SRP72: variants seen among roughly 807,000 people sequenced by gnomAD.
SRP72 encodes the protein signal recognition particle 72, also known as signal recognition particle subunit SRP72.
Under a neutral mutation model 96.3 loss-of-function variants are expected in SRP72, and 49 were observed. The ratio of observed to expected loss-of-function variants is 0.51; its 90% CI spans 0.40 to 0.65. The LOEUF (loss-of-function observed/expected upper bound fraction) is 0.65, where lower values mean the gene tolerates loss of function less well. Ranked by LOEUF, SRP72 falls within the 30% of genes least tolerant of loss-of-function variation. SRP72 has a pLI of 0.00. For synonymous variants in SRP72, 267 were observed against 275.2 expected (o/e 0.97, Z 0.30); for missense variants, 736 against 793.3 (o/e 0.93, Z 0.87).
intron 8 of SRP72, among the ~76,000 whole-genome samples, chr4:56,479,373 G>T (rs1012625009): frequency 6.6e-6 from 1 of 151,830 alleles, no homozygotes; most frequent in Non-Finnish European, 1.5e-5. Context: ...TAGAGACGGG[G>T]TTTCACCATG....
rs774173992 is a variant in SRP72 at position 56,478,535 on chromosome 4, G to T, written c.767+32G>T. 1.9e-6 allele frequency: 3 copies of T among 1,612,640 alleles called. No individual in the cohort carries two copies. The South Asian group carries it at 3.3e-5, about 18-fold the overall frequency. ...TATTAAAAGGAAGTGTCTTTTATAGGGGATGGGGTTCTTTTTAAAGGTTTG... is the reference window on the plus strand; with the variant it reads ...TATTAAAAGGAAGTGTCTTTTATAGTGGATGGGGTTCTTTTTAAAGGTTTG... On this transcript the variant is annotated intron_variant, in intron 7 of 18. Coordinates refer to ENST00000642900, the MANE Select transcript of SRP72 (RefSeq NM_006947.4).
At chr4:56,478,695 C>T (rs1309031280) in intron 8 of SRP72, 46 bp downstream of exon 8, 1 of 1,566,280 alleles carries the variant, frequency 6.4e-7, no homozygotes, top group South Asian at 1.2e-5. Context: ...ACCCTGAAAG[C>T]TCATCACCCT....
At chr4:56,500,800 A>G in intron 18 of SRP72, 105 bp downstream of exon 18, 1 of 1,142,166 alleles carries the variant, frequency 8.8e-7, no homozygotes, top group African/African-American at 1.6e-5. Context: ...GAGAAATGTG[A>G]TGTATCTTTG....
Position 56,474,129 on chromosome 4 carries a change from G to T in SRP72, c.430G>T (p.Asp144Tyr). ...CGTCCGAAACTCCCAAGATGATTAT[G>T]ATGAGGAGAGGAAAACAAACCTTTC... is the stretch of plus-strand genomic sequence containing the variant. ...DLVRNSQDDY[D>Y]EERKTNLSAV... Residue 144 changes from aspartate to tyrosine, a missense_variant, in exon 4 of 19, where the codon GAT (aspartate) becomes TAT (tyrosine). Coordinates refer to ENST00000642900, the MANE Select transcript of SRP72 (RefSeq NM_006947.4). 6.2e-7 allele frequency: 1 copy of T among 1,614,210 alleles called. No individual in the cohort carries two copies. The highest frequency in any genetic ancestry group is 1.1e-5 in the South Asian group (1 of 91,084).
chr4:56,475,380 A>G (rs1216616715), intron 5 of SRP72, among the ~76,000 whole-genome samples: 2 of 148,492 alleles, frequency 1.3e-5, no homozygotes, highest in Non-Finnish European at 3.0e-5. Context: ...TAATATAGTA[A>G]GCCTTCGTTT....
At chr4:56,484,333 C>T (rs1156924145) in intron 9 of SRP72, among the ~76,000 whole-genome samples, 1 of 151,702 alleles carries the variant, frequency 6.6e-6, no homozygotes, top group African/African-American at 2.4e-5. Flanking sequence ...CACGCCCGGC[C>T]GAGAGACAGT....
chr4:56,482,110 G>C (rs1050864114), intron 8 of SRP72, among the ~76,000 whole-genome samples: 1 of 147,692 alleles, frequency 6.8e-6, no homozygotes, highest in Admixed American at 6.7e-5. Flanking sequence ...TCATATCTCT[G>C]TATCAGTATT....
Position 56,501,903 on chromosome 4 carries a change from G to A in SRP72, c.*42G>A. 1.3e-6 allele frequency: 2 copies of A among 1,570,186 alleles called. No homozygotes were observed. On this transcript the variant is annotated 3_prime_UTR_variant, in exon 19 of 19. Transcript: ENST00000642900. ...GCAGGCTGTTTTTAAACTAGTGTCA[G>A]TGACACTAGGAATATAATAAAGGTA...
Position 56,484,026 on chromosome 4 carries a change from A to ATTTTTTTTTTTTT in SRP72, c.958-697_958-685dup, listed in dbSNP as rs539665243. Among the ~76,000 whole-genome samples, 50 of 86,602 alleles carry ATTTTTTTTTTTTT rather than the reference A, an allele frequency of 5.8e-4. 4 individuals are homozygous for ATTTTTTTTTTTTT. The highest frequency in any genetic ancestry group is 1.7e-3 in the African/African-American group (33 of 19,894). 56.8% of individuals were successfully genotyped at this position (86,602 alleles called of 152,430 possible). On this transcript the variant is annotated intron_variant, in intron 9 of 18. Coordinates refer to ENST00000642900, the MANE Select transcript of SRP72 (RefSeq NM_006947.4). ...TTTAGTGGGAGACAGAGAAGCAGTA[A>ATTTTTTTTTTTTT]TTTTTTTTTTTTTTTTTTTTTTTTT...
At chr4:56,479,208 C>G (rs902964328) in intron 8 of SRP72, among the ~76,000 whole-genome samples, 1 of 152,052 alleles carries the variant, frequency 6.6e-6, no homozygotes, top group Non-Finnish European at 1.5e-5. Flanking sequence ...GAGACCGAGT[C>G]TCGCTCTGTC....
At chr4:56,473,467 AAAAG>A (rs1288818264) in intron 3 of SRP72, among the ~76,000 whole-genome samples, 115 of 151,568 alleles carry the variant, frequency 7.6e-4, no homozygotes, top group Non-Finnish European at 1.5e-3. Flanking sequence ...CAAAAAAAAA[AAAAG>A]AAAATCAGTT....
At chr4:56,500,777 TA>T (rs1721235221) in intron 18 of SRP72, 82 bp downstream of exon 18, 2 of 1,307,002 alleles carry the variant, frequency 1.5e-6, no homozygotes, top group African/African-American at 3.0e-5. Context: ...GAGAATTTGT[TA>T]ATATAAAGTA....
chr4:56,494,407 CTTTT>C (rs56291298), intron 16 of SRP72, among the ~76,000 whole-genome samples: 2 of 138,218 alleles, frequency 1.4e-5, no homozygotes, highest in Non-Finnish European at 3.1e-5. Context: ...TTTCAGAATG[CTTTT>C]TTTTTTTTTT....
At chr4:56,484,957 G>A (rs1316783891) in intron 10 of SRP72, 93 bp downstream of exon 10, 26 of 1,423,634 alleles carry the variant, frequency 1.8e-5, no homozygotes, top group Non-Finnish European at 2.4e-5. Flanking sequence ...AAATTTAATG[G>A]GAAAACTAAT....
chr4:56,474,133 A>G lies in SRP72; in HGVS notation c.434A>G (p.Glu145Gly), dbSNP rs771019068. ...CGAAACTCCCAAGATGATTATGATG[A>G]GGAGAGGAAAACAAACCTTTCAGCA... ...LVRNSQDDYD[E>G]ERKTNLSAVV... The change falls in exon 4 of 19, where the codon GAG becomes GGG. Residue 145 changes from glutamate (E) to glycine (G), a missense_variant. Transcript: ENST00000642900. 2 of 1,614,102 alleles carry G rather than the reference A, an allele frequency of 1.2e-6. No homozygotes were observed. The highest frequency in any genetic ancestry group is 1.7e-6 in the Non-Finnish European group (2 of 1,180,048).
rs555926407 is a variant in SRP72 at position 56,470,811 on chromosome 4, A to G, written c.231-909A>G. Among the ~76,000 whole-genome samples the G allele has an allele frequency of 1.3e-4, 20 of 151,164 alleles. No individual in the cohort carries two copies. The South Asian group carries it at 2.9e-3, about 22-fold the overall frequency. ...AGACATTTTCAAAAACATTTTGTCA[A>G]TGAGTCTTGGATAAAAGTTTTTTTT... On this transcript the variant is annotated intron_variant, in intron 2 of 18. Coordinates refer to ENST00000642900, the MANE Select transcript of SRP72 (RefSeq NM_006947.4).
intron 8 of SRP72, 54 bp from the exon 9 acceptor site, chr4:56,483,085 G>C: frequency 6.5e-7 from 1 of 1,542,340 alleles, no homozygotes; most frequent in Non-Finnish European, 8.8e-7. Flanking sequence ...ATAGAAAAAG[G>C]AATAAGTTGA....
intron 18 of SRP72, among the ~76,000 whole-genome samples, chr4:56,500,977 G>A (rs1157017417): frequency 6.7e-6 from 1 of 150,348 alleles, no homozygotes. Context: ...AAAACTAAAA[G>A]TCTCAAGGCA....
intron 16 of SRP72, 70 bp downstream of exon 16, chr4:56,491,638 C>A: frequency 6.9e-7 from 1 of 1,453,224 alleles, no homozygotes; most frequent in East Asian, 2.3e-5. Context: ...AATACATTCT[C>A]ATAGAAATTT....
Sources: allele counts gnomAD v4.1 joint callset (sites outside exome capture counted in the v4.1 genomes callset), GRCh38; gene constraint gnomAD v4.1.1; transcripts MANE v1.5; gene names NCBI Gene and HGNC (gene_info 2026-07-23, HGNC 2026-07-21).